The following APBB2 variants were observed in gnomAD, a reference collection of about 807,000 sequenced individuals.
APBB2 encodes the protein Fe65-like 1.
A neutral mutation model predicts 82.5 loss-of-function variants in APBB2; 38 were observed. That is an observed-to-expected ratio of 0.46 (90% CI 0.36 to 0.60). APBB2 has a LOEUF of 0.60. APBB2 is among the 20% of genes least tolerant of loss of function. The pLI, the probability that APBB2 is intolerant of heterozygous loss-of-function variation, is 0.00. For missense variants in APBB2, 772 were observed against 972.3 expected (o/e 0.79, Z 2.74); for synonymous variants, 341 against 368.2 (o/e 0.93, Z 0.85).
intron 6 of APBB2, among the ~76,000 whole-genome samples, chr4:40,971,125 T>C (rs569853235): frequency 6.6e-6 from 1 of 152,306 alleles, no homozygotes; most frequent in Admixed American, 6.5e-5. Context: ...TGAAACATCT[T>C]CTTATTGCTC....
At chr4:40,975,616 T>C (rs1236546260) in intron 6 of APBB2, among the ~76,000 whole-genome samples, 1 of 151,716 alleles carries the variant, frequency 6.6e-6, no homozygotes, top group Non-Finnish European at 1.5e-5. Context: ...CCCCAGGCAC[T>C]GTATGAAATA....
chr4:40,930,146 A>G (rs747240839), intron 10 of APBB2, among the ~76,000 whole-genome samples: 7 of 152,194 alleles, frequency 4.6e-5, no homozygotes, highest in African/African-American at 7.2e-5. Context: ...AAATAATATG[A>G]TATCAATATT....
intron 5 of APBB2, among the ~76,000 whole-genome samples, chr4:41,031,738 A>G (rs914604046): frequency 6.6e-6 from 1 of 152,212 alleles, no homozygotes; most frequent in African/African-American, 2.4e-5. Flanking sequence ...ATAAGACTAT[A>G]ATAATAATCT....
At chr4:41,172,538 C>T (rs938933132) in intron 1 of APBB2, among the ~76,000 whole-genome samples, 5 of 152,318 alleles carry the variant, frequency 3.3e-5, no homozygotes, top group African/African-American at 1.2e-4. Context: ...CTTGGTCTCC[C>T]CCACTAGATT....
intron 10 of APBB2, among the ~76,000 whole-genome samples, chr4:40,910,580 G>C (rs1167785449): frequency 6.6e-6 from 1 of 152,122 alleles, no homozygotes; most frequent in African/African-American, 2.4e-5. Context: ...CTCTACATTA[G>C]CTGTTCTATT....
At chr4:41,150,803 C>T (rs1204477743) in intron 1 of APBB2, among the ~76,000 whole-genome samples, 5 of 152,232 alleles carry the variant, frequency 3.3e-5, no homozygotes, top group East Asian at 1.9e-4. Context: ...TGCAATGGCC[C>T]GATCTCAGCT....
chr4:40,960,223 TA>T (rs1792725363), intron 6 of APBB2, among the ~76,000 whole-genome samples: 1 of 151,922 alleles, frequency 6.6e-6, no homozygotes, highest in African/African-American at 2.4e-5. Context: ...GGGATCAGAG[TA>T]AAAGCTTCTT....
chr4:41,180,476 AT>A (rs986018023), intron 1 of APBB2, among the ~76,000 whole-genome samples: 15 of 152,058 alleles, frequency 9.9e-5, no homozygotes, highest in African/African-American at 3.6e-4. Context: ...ATTAAATTAA[AT>A]TGAATTAGCC....
chr4:40,846,629 C>T (rs1440811010), intron 12 of APBB2, among the ~76,000 whole-genome samples: 1 of 152,146 alleles, frequency 6.6e-6, no homozygotes, highest in Non-Finnish European at 1.5e-5. Context: ...AAAGCAAGCT[C>T]CCCTCCCACC....
At chr4:41,146,339 A>AC (rs1760724586) in intron 1 of APBB2, among the ~76,000 whole-genome samples, 2 of 150,916 alleles carry the variant, frequency 1.3e-5, no homozygotes, top group African/African-American at 4.9e-5. Flanking sequence ...AAAAAAAAAA[A>AC]AAAAAAAAAC....
Position 40,927,303 on chromosome 4 carries a change from C to A in APBB2, c.1254+7153G>T, listed in dbSNP as rs1009959140. 3.3e-5 allele frequency among the ~76,000 whole-genome samples: 5 copies of A among 152,184 alleles called. No individual in the cohort carries two copies. In the South Asian group the frequency reaches 8.3e-4, roughly 25 times the overall value. On this transcript the variant is annotated intron_variant, in intron 10 of 17. Transcript: ENST00000508593. ...GACGTGTTATACACTGAGACAGAGACAGCAGGATGGAGCGGTCAGAGGCCC... is the reference window on the plus strand; with the variant it reads ...GACGTGTTATACACTGAGACAGAGAAAGCAGGATGGAGCGGTCAGAGGCCC...
intron 12 of APBB2, among the ~76,000 whole-genome samples, chr4:40,884,140 G>C (rs1018074446): frequency 1.3e-5 from 2 of 152,192 alleles, no homozygotes; most frequent in East Asian, 3.8e-4. Flanking sequence ...TTGTCAAGAT[G>C]AACAGAGTAG....
intron 3 of APBB2, among the ~76,000 whole-genome samples, chr4:41,099,752 TA>T (rs1744732637): frequency 6.6e-6 from 1 of 152,202 alleles, no homozygotes; most frequent in Non-Finnish European, 1.5e-5. Context: ...AGAGTGGAGC[TA>T]TAAGACACAA....
At chr4:40,860,662 T>A (rs536920714) in intron 12 of APBB2, among the ~76,000 whole-genome samples, 23 of 152,238 alleles carry the variant, frequency 1.5e-4, no homozygotes, top group African/African-American at 5.5e-4. Context: ...CTGAGGGTGG[T>A]CTCATTGACT....
intron 4 of APBB2, among the ~76,000 whole-genome samples, chr4:41,034,444 C>T (rs953709230): frequency 1.3e-5 from 2 of 152,168 alleles, no homozygotes; most frequent in African/African-American, 2.4e-5. Flanking sequence ...CCTGCCTCAG[C>T]CTCCCGAGTA....
At chr4:41,160,315 C>G (rs1764834274) in intron 1 of APBB2, among the ~76,000 whole-genome samples, 1 of 152,182 alleles carries the variant, frequency 6.6e-6, no homozygotes, top group Non-Finnish European at 1.5e-5. Context: ...GAACACCATG[C>G]ACATTCCCAT....
At chr4:40,849,310 C>T (rs1673874520) in intron 12 of APBB2, among the ~76,000 whole-genome samples, 1 of 152,124 alleles carries the variant, frequency 6.6e-6, no homozygotes, top group African/African-American at 2.4e-5. Context: ...TATTTAAAAG[C>T]CAAGCGAATC....
At chr4:41,077,204 A>C (rs1420572234) in intron 3 of APBB2, among the ~76,000 whole-genome samples, 2 of 143,004 alleles carry the variant, frequency 1.4e-5, no homozygotes, top group Non-Finnish European at 3.0e-5. Context: ...AGAGATAAGG[A>C]CTCACTATGT....
At chr4:41,173,073 ACT>A (rs1261834657) in intron 1 of APBB2, among the ~76,000 whole-genome samples, 1 of 152,048 alleles carries the variant, frequency 6.6e-6, no homozygotes, top group Non-Finnish European at 1.5e-5. Flanking sequence ...GGAAATTCAG[ACT>A]CTTTCTCCAA....
Sources: allele counts gnomAD v4.1 joint callset (sites outside exome capture counted in the v4.1 genomes callset), GRCh38; gene constraint gnomAD v4.1.1; transcripts MANE v1.5; gene names NCBI Gene and HGNC (gene_info 2026-07-23, HGNC 2026-07-21).